KCNMB2: variants seen among roughly 807,000 people sequenced by gnomAD.
The protein encoded by KCNMB2 is calcium-activated potassium channel subunit beta-2.
A neutral mutation model predicts 24.5 loss-of-function variants in KCNMB2; 9 were observed. The ratio of observed to expected loss-of-function variants is 0.37; its 90% CI spans 0.22 to 0.64. KCNMB2 has a LOEUF of 0.64. Among genes scored for constraint, KCNMB2 ranks in the 30% least tolerant of loss-of-function variants. The pLI is 0.63. For synonymous variants in KCNMB2, 109 were observed against 104.4 expected (o/e 1.04, Z -0.27); for missense variants, 226 against 284.3 (o/e 0.79, Z 1.47).
intron 1 of KCNMB2, among the ~76,000 whole-genome samples, chr3:178,655,570 T>A (rs568330257): frequency 1.6e-3 from 241 of 152,292 alleles, no homozygotes; most frequent in Non-Finnish European, 2.7e-3. Context: ...GCTTTCCCAA[T>A]CTTTTCTAAA....
At chr3:178,539,807 CT>C (rs1715557838) in intron 1 of KCNMB2, among the ~76,000 whole-genome samples, 1 of 151,842 alleles carries the variant, frequency 6.6e-6, no homozygotes, top group Non-Finnish European at 1.5e-5. Flanking sequence ...TAAACAGAGA[CT>C]TTTTCAATCT....
At chr3:178,594,964 G>A (rs1717812551) in intron 1 of KCNMB2, among the ~76,000 whole-genome samples, 2 of 148,410 alleles carry the variant, frequency 1.3e-5, no homozygotes, top group Admixed American at 1.4e-4. Flanking sequence ...AATTATTTAT[G>A]AGGCTAATAT....
intron 1 of KCNMB2, among the ~76,000 whole-genome samples, chr3:178,541,873 C>T (rs757657901): frequency 1.3e-5 from 2 of 152,152 alleles, no homozygotes; most frequent in Non-Finnish European, 2.9e-5. Context: ...CCTACTACAC[C>T]CTGACTCAGT....
intron 1 of KCNMB2, among the ~76,000 whole-genome samples, chr3:178,787,023 A>C (rs1452454795): frequency 1.3e-5 from 2 of 152,242 alleles, no homozygotes; most frequent in South Asian, 4.1e-4. Flanking sequence ...GTTACATATA[A>C]GGAATAGGAG....
intron 2 of KCNMB2, among the ~76,000 whole-genome samples, chr3:178,811,667 G>A (rs1201997352): frequency 6.6e-6 from 1 of 152,060 alleles, no homozygotes; most frequent in East Asian, 1.9e-4. Flanking sequence ...CAACAATGAT[G>A]CTATTCTTCT....
intron 1 of KCNMB2, among the ~76,000 whole-genome samples, chr3:178,567,182 T>C (rs1243381968): frequency 6.6e-6 from 1 of 152,194 alleles, no homozygotes; most frequent in Admixed American, 6.5e-5. Flanking sequence ...GGAAGTAATC[T>C]GAGTTTCTGA....
At chr3:178,638,174 C>T (rs932423582) in intron 1 of KCNMB2, among the ~76,000 whole-genome samples, 3 of 152,144 alleles carry the variant, frequency 2.0e-5, no homozygotes, top group African/African-American at 4.8e-5. Context: ...AAATAGCTAC[C>T]AGAGTTATTT....
chr3:178,566,851 T>C (rs533317718), intron 1 of KCNMB2, among the ~76,000 whole-genome samples: 1 of 152,346 alleles, frequency 6.6e-6, no homozygotes, highest in African/African-American at 2.4e-5. Context: ...TACGTTCATA[T>C]TGTATGAATT....
At chr3:178,777,390 C>T (rs181027252) in intron 1 of KCNMB2, among the ~76,000 whole-genome samples, 6 of 152,200 alleles carry the variant, frequency 3.9e-5, no homozygotes, top group East Asian at 3.9e-4. Flanking sequence ...GCTGAGATCA[C>T]GCCACTGCAC....
chr3:178,792,893 TCACAG>T (rs1400445570), intron 1 of KCNMB2, among the ~76,000 whole-genome samples: 1 of 152,228 alleles, frequency 6.6e-6, no homozygotes, highest in African/African-American at 2.4e-5. Flanking sequence ...GCATTGGGTG[TCACAG>T]CACCTGTCTG....
chr3:178,591,092 G>A (rs1717653452), intron 1 of KCNMB2, among the ~76,000 whole-genome samples: 1 of 152,136 alleles, frequency 6.6e-6, no homozygotes, highest in East Asian at 1.9e-4. Flanking sequence ...CTGCAACGGA[G>A]AGGAAGCTAA....
chr3:178,596,167 C>G (rs1717863674), intron 1 of KCNMB2, among the ~76,000 whole-genome samples: 1 of 152,112 alleles, frequency 6.6e-6, no homozygotes. Flanking sequence ...CCCTTAGACG[C>G]CTTCCTTTTG....
At chr3:178,614,567 A>C (rs1162081128) in intron 1 of KCNMB2, among the ~76,000 whole-genome samples, 1 of 151,840 alleles carries the variant, frequency 6.6e-6, no homozygotes, top group Admixed American at 6.6e-5. Flanking sequence ...ATTATCTCTC[A>C]CCAGGTCCTT....
chr3:178,833,587 C>T (rs1319659945), intron 4 of KCNMB2, among the ~76,000 whole-genome samples: 1 of 152,128 alleles, frequency 6.6e-6, no homozygotes, highest in Non-Finnish European at 1.5e-5. Context: ...CCTTCCCAAG[C>T]TCACCAAAAA....
Position 178,571,563 on chromosome 3 carries a change from C to T in KCNMB2, c.-68+34852C>T, listed in dbSNP as rs1393663215. Among the ~76,000 whole-genome samples the T allele has an allele frequency of 2.7e-5, 4 of 149,732 alleles. No homozygotes were observed. In the East Asian group the frequency reaches 7.9e-4, roughly 30 times the overall value. On this transcript the variant is annotated intron_variant, in intron 1 of 4. Coordinates refer to ENST00000452583, the MANE Select transcript of KCNMB2 (RefSeq NM_181361.3). ...TAAGTTCTGGGATACATGTGCAGAACATGCAGGTTTGCTACATAGGTATAC... is the reference window on the plus strand; with the variant it reads ...TAAGTTCTGGGATACATGTGCAGAATATGCAGGTTTGCTACATAGGTATAC...
intron 1 of KCNMB2, among the ~76,000 whole-genome samples, chr3:178,788,414 G>GA (rs1463534312): frequency 1.3e-5 from 2 of 151,814 alleles, no homozygotes; most frequent in African/African-American, 4.8e-5. Context: ...GGGTTCTTTG[G>GA]AAAAAAATCA....
chr3:178,613,724 T>G (rs1403502565), intron 1 of KCNMB2, among the ~76,000 whole-genome samples: 5 of 152,186 alleles, frequency 3.3e-5, no homozygotes, highest in African/African-American at 4.8e-5. Flanking sequence ...GTTATTTGTT[T>G]CTGTCTTCTT....
At chr3:178,693,468 A>T (rs976970157) in intron 1 of KCNMB2, among the ~76,000 whole-genome samples, 3 of 152,180 alleles carry the variant, frequency 2.0e-5, no homozygotes, top group Non-Finnish European at 4.4e-5. Context: ...ATGAAAGTTG[A>T]ATTTTATTGA....
chr3:178,645,167 C>G (rs1719875945), intron 1 of KCNMB2, among the ~76,000 whole-genome samples: 1 of 151,144 alleles, frequency 6.6e-6, no homozygotes, highest in South Asian at 2.1e-4. Context: ...TCTCCTGCCT[C>G]AGCCTCCTGA....
Sources: gnomAD v4.1 joint callset for allele counts (sites outside exome capture counted in the v4.1 genomes callset) on GRCh38, gnomAD v4.1.1 for gene constraint, MANE v1.5 for transcripts, NCBI Gene and HGNC (gene_info 2026-07-23, HGNC 2026-07-21) for gene names.